SVIL: variants seen among roughly 807,000 people sequenced by gnomAD.
SVIL encodes the protein archvillin.
SVIL carries 101 observed loss-of-function variants against 240.4 expected under a neutral mutation model. The observed-to-expected ratio is 0.42, with a 90% confidence interval of 0.36 to 0.50. The LOEUF is 0.50. Ranked by LOEUF, SVIL falls within the 20% of genes least tolerant of loss-of-function variation. The pLI is 0.01. For synonymous variants in SVIL, 999 were observed against 1,100.0 expected (o/e 0.91, Z 1.82); for missense variants, 2,512 against 2,818.7 (o/e 0.89, Z 2.46).
At chr10:29,463,419 G>T (rs1944504029) in intron 35 of SVIL, 73 bp downstream of exon 35, 6 of 1,524,048 alleles carry the variant, frequency 3.9e-6, no homozygotes, top group Non-Finnish European at 5.3e-6. Flanking sequence ...GGGGAAGGGG[G>T]TCTCCTGGCT....
At chr10:29,544,897 G>T (rs2132618420) in intron 6 of SVIL, 1 of 454,708 alleles carries the variant, frequency 2.2e-6, no homozygotes. Context: ...ACAGGTGTTT[G>T]GGGGTACAGG....
intron 1 of SVIL, among the ~76,000 whole-genome samples, chr10:29,571,571 A>G (rs141656899): frequency 0.028 from 4,326 of 152,314 alleles, 196 homozygotes; most frequent in African/African-American, 0.098. Context: ...TGAACAACAT[A>G]TGAGTGAAAC....
intron 1 of SVIL, among the ~76,000 whole-genome samples, chr10:29,583,788 G>A (rs945469673): frequency 6.6e-6 from 1 of 152,180 alleles, no homozygotes; most frequent in Non-Finnish European, 1.5e-5. Flanking sequence ...CAGGTGCCTT[G>A]GGGAGGTCAT....
chr10:29,601,871 C>T (rs1253436589), intron 1 of SVIL, among the ~76,000 whole-genome samples: 1 of 152,180 alleles, frequency 6.6e-6, no homozygotes, highest in African/African-American at 2.4e-5. Context: ...TTTCCTCTCC[C>T]TCTCTCTTTC....
intron 1 of SVIL, among the ~76,000 whole-genome samples, chr10:29,632,856 C>G (rs1399524026): frequency 1.3e-5 from 2 of 152,164 alleles, no homozygotes; most frequent in African/African-American, 2.4e-5. Flanking sequence ...CACACACACA[C>G]ACACACAGAG....
intron 1 of SVIL, among the ~76,000 whole-genome samples, chr10:29,623,927 C>T (rs750434484): frequency 3.3e-5 from 5 of 152,102 alleles, no homozygotes; most frequent in Non-Finnish European, 7.4e-5. Context: ...CACCATCAAC[C>T]GTAGTATGTA....
chr10:29,664,753 TA>T (rs1425868816), intron 2 of SVIL, among the ~76,000 whole-genome samples: 1 of 152,056 alleles, frequency 6.6e-6, no homozygotes, highest in East Asian at 1.9e-4. Context: ...TATATGATGA[TA>T]AAGCATATAA....
chr10:29,639,218 C>G (rs558073438), upstream of SVIL, among the ~76,000 whole-genome samples: 1 of 152,186 alleles, frequency 6.6e-6, no homozygotes, highest in Admixed American at 6.5e-5. Context: ...TGTCACCAGG[C>G]TGGAGTGCAG....
chr10:29,591,856 C>T (rs187597635), intron 1 of SVIL, among the ~76,000 whole-genome samples: 2 of 152,324 alleles, frequency 1.3e-5, no homozygotes, highest in African/African-American at 4.8e-5. Flanking sequence ...GATGCCTGTT[C>T]CTGGCTTAGG....
intron 36 of SVIL, among the ~76,000 whole-genome samples, chr10:29,460,623 A>G (rs1325860570): frequency 6.6e-6 from 1 of 152,204 alleles, no homozygotes; most frequent in Non-Finnish European, 1.5e-5. Flanking sequence ...CTCCAATAGT[A>G]TCAAAAAGCC....
rs770589221 is a variant in SVIL, at chr10:29,523,855, G to C, written c.2759C>G (p.Ser920Cys). Residue 920 changes from serine to cysteine, a missense_variant, in exon 15 of 38, where the codon TCT becomes TGT. Transcript: ENST00000355867. ...CGATTTCAGAATGCTTCTAACTGGA[G>C]AGTCCGAATTTTCTATTGAAGAAGA... ...KFSSSIENSD[S>C]PVRSILKSQA... 2 of 1,614,210 alleles carry C rather than the reference G, an allele frequency of 1.2e-6. No individual in the cohort carries two copies. The highest frequency in any genetic ancestry group is 1.7e-6 in the Non-Finnish European group (2 of 1,180,048).
chr10:29,492,345 T>A (rs1948041135), intron 21 of SVIL, among the ~76,000 whole-genome samples: 1 of 152,006 alleles, frequency 6.6e-6, no homozygotes. Flanking sequence ...GGCAGCCTTG[T>A]GACTCCAGAG....
At chr10:29,650,033 C>T (rs1958788389) in intron 3 of SVIL, among the ~76,000 whole-genome samples, 2 of 152,122 alleles carry the variant, frequency 1.3e-5, no homozygotes, top group Non-Finnish European at 1.5e-5. Flanking sequence ...CAGATGCAGC[C>T]CCTGGATCAT....
At chr10:29,704,196 C>T (rs1962730284) in intron 1 of SVIL, among the ~76,000 whole-genome samples, 1 of 152,098 alleles carries the variant, frequency 6.6e-6, no homozygotes, top group Non-Finnish European at 1.5e-5. Context: ...TGCTCAAAAT[C>T]GTAACCACTC....
At chr10:29,579,009 G>A (rs1313942613) in intron 1 of SVIL, among the ~76,000 whole-genome samples, 1 of 152,190 alleles carries the variant, frequency 6.6e-6, no homozygotes, top group Non-Finnish European at 1.5e-5. Context: ...GATTCGCTGG[G>A]GAAACTGGAA....
intron 3 of SVIL, among the ~76,000 whole-genome samples, chr10:29,559,404 G>T (rs1019592939): frequency 1.3e-5 from 2 of 152,010 alleles, no homozygotes; most frequent in Non-Finnish European, 2.9e-5. Flanking sequence ...GTCAATTGCA[G>T]CATGAGGCCC....
intron 1 of SVIL, among the ~76,000 whole-genome samples, chr10:29,720,922 C>G (rs1963934557): frequency 6.6e-6 from 1 of 152,202 alleles, no homozygotes; most frequent in African/African-American, 2.4e-5. Context: ...TCTCGTCTCA[C>G]TGCAACCTCT....
intron 3 of SVIL, among the ~76,000 whole-genome samples, chr10:29,558,853 G>A (rs752073077): frequency 1.3e-5 from 2 of 150,570 alleles, no homozygotes; most frequent in African/African-American, 2.4e-5. Context: ...GCTTGAACCC[G>A]GGAGACAGAG....
At position 29,513,674 on chromosome 10, in the gene SVIL, A is replaced by G. The variant is rs184511711; in HGVS notation, c.3390-813T>C. Among the ~76,000 whole-genome samples, 3 of 152,368 alleles carry G rather than the reference A, an allele frequency of 2.0e-5. No individual in the cohort carries two copies. The East Asian group carries it at 5.8e-4, about 29-fold the overall frequency. The stretch of plus-strand genomic sequence containing the variant: ...GTTCTAAGCCCTATTCTTTTCCTAC[A>G]AATGAATTTGATCATTCTTATCCAT... On this transcript the variant is annotated intron_variant, in intron 16 of 37. Coordinates refer to ENST00000355867, the MANE Select transcript of SVIL (RefSeq NM_021738.3).
Sources: gnomAD v4.1 joint callset for allele counts (sites outside exome capture counted in the v4.1 genomes callset) on GRCh38, gnomAD v4.1.1 for gene constraint, MANE v1.5 for transcripts, NCBI Gene and HGNC (gene_info 2026-07-23, HGNC 2026-07-21) for gene names.